PTK2: variants seen among roughly 807,000 people sequenced by gnomAD.
PTK2 encodes protein tyrosine kinase 2.
A neutral mutation model predicts 150.1 loss-of-function variants in PTK2; 45 were observed. The observed-to-expected ratio is 0.30, with a 90% CI of 0.24 to 0.38. PTK2 has a LOEUF of 0.38. PTK2 is among the 10% of genes least tolerant of loss of function. The probability of loss-of-function intolerance (pLI) is 1.00; values close to 1 mark genes in which losing one functional copy is unlikely to be tolerated. For synonymous variants in PTK2, 432 were observed against 449.2 expected (o/e 0.96, Z 0.48); for missense variants, 919 against 1,307.3 (o/e 0.70, Z 4.58).
At chr8:140,824,809 C>G (rs2100110913) in intron 8 of PTK2, among the ~76,000 whole-genome samples, 1 of 152,152 alleles carries the variant, frequency 6.6e-6, no homozygotes, top group Non-Finnish European at 1.5e-5. Context: ...GTTTGAACAC[C>G]TGCTTGTGTT....
intron 28 of PTK2, 70 bp downstream of exon 31, chr8:140,675,390 T>C: frequency 6.6e-7 from 1 of 1,512,484 alleles, no homozygotes; most frequent in Non-Finnish European, 9.2e-7. Flanking sequence ...GCTACGACAC[T>C]ATATACATTC....
chr8:140,890,986 A>G (rs2100154043), intron 2 of PTK2, among the ~76,000 whole-genome samples: 1 of 152,166 alleles, frequency 6.6e-6, no homozygotes, highest in African/African-American at 2.4e-5. Flanking sequence ...TTGTTAAAAA[A>G]AAATTATTAA....
chr8:140,861,951 G>A (rs2100136399), intron 5 of PTK2, among the ~76,000 whole-genome samples: 1 of 152,046 alleles, frequency 6.6e-6, no homozygotes, highest in African/African-American at 2.4e-5. Context: ...TTTCTCTTGG[G>A]TTTTATAAAG....
At chr8:140,807,433 G>A (rs2100098721) in intron 10 of PTK2, among the ~76,000 whole-genome samples, 1 of 152,164 alleles carries the variant, frequency 6.6e-6, no homozygotes, top group Non-Finnish European at 1.5e-5. Context: ...CAAGGCAGCT[G>A]CACACAATAT....
At chr8:140,792,965 C>G (rs1225914702) in intron 13 of PTK2, among the ~76,000 whole-genome samples, 2 of 152,136 alleles carry the variant, frequency 1.3e-5, no homozygotes, top group Non-Finnish European at 2.9e-5. Context: ...AACATGCCCA[C>G]TATAAAATTA....
intron 21 of PTK2, among the ~76,000 whole-genome samples, chr8:140,737,848 C>CTG (rs2154410891): frequency 6.6e-6 from 1 of 152,302 alleles, no homozygotes; most frequent in African/African-American, 2.4e-5. Flanking sequence ...CTGTGGATCA[C>CTG]ACAGATAATA....
At chr8:140,669,758 G>A in intron 29 of PTK2, 23 bp from the exon 33 acceptor site, 1 of 1,531,424 alleles carries the variant, frequency 6.5e-7, no homozygotes, top group Non-Finnish European at 8.7e-7. Context: ...GGAAGGTGAG[G>A]AAAAGTTAAA....
Position 140,892,247 on chromosome 8 carries a change from A to G in PTK2, c.-32-1478T>C, listed in dbSNP as rs181219145. 3.2e-3 allele frequency among the ~76,000 whole-genome samples: 486 copies of G among 152,040 alleles called. 2 individuals carry two copies. The highest frequency in any genetic ancestry group is 0.017 in the Middle Eastern group (5 of 292). On this transcript the variant is annotated intron_variant, in intron 2 of 31. Transcript: ENST00000522684. ...CAAACACACACACACACAAAACCAC[A>G]GATCCAGCCAGGCATAGATGCTCAT... is the stretch of plus-strand genomic sequence containing the variant.
chr8:140,890,442 G>A (rs374602536), intron 3 of PTK2, 101 bp downstream of exon 3: 19 of 982,396 alleles, frequency 1.9e-5, no homozygotes, highest in Middle Eastern at 2.3e-4. Context: ...AAAAGTCCCC[G>A]ATAAGTTAAA....
intron 14 of PTK2, among the ~76,000 whole-genome samples, chr8:140,773,069 T>TGCTA (rs2100076432): frequency 6.6e-6 from 1 of 152,224 alleles, no homozygotes; most frequent in Admixed American, 6.5e-5. Flanking sequence ...ACTCCACAAG[T>TGCTA]GCTAGCTCTT....
At chr8:140,851,350 C>CATGTTTAT (rs2100129181) in intron 5 of PTK2, among the ~76,000 whole-genome samples, 1 of 152,086 alleles carries the variant, frequency 6.6e-6, no homozygotes, top group Non-Finnish European at 1.5e-5. Context: ...ATTGATTTAT[C>CATGTTTAT]AAATGTTTAT....
At chr8:140,751,321 A>G (rs1397869523) in intron 17 of PTK2, among the ~76,000 whole-genome samples, 2 of 152,094 alleles carry the variant, frequency 1.3e-5, no homozygotes, top group Non-Finnish European at 2.9e-5. Flanking sequence ...GGCATGCGCC[A>G]CCATGCCCAG....
At position 140,818,321 on chromosome 8, in the gene PTK2, C is replaced by T. The variant is rs1021091174; in HGVS notation, c.823G>A (p.Gly275Ser). 5 of 1,613,866 alleles carry T rather than the reference C, an allele frequency of 3.1e-6. No homozygotes were observed. Among genetic ancestry groups the T allele is most frequent in the Non-Finnish European group, 3.4e-6 (4 of 1,179,920 alleles). The stretch of plus-strand genomic sequence containing the variant: ...AGGTAACTGATTCCTTCTTCTGGGC[C>T]GATTGCCAGTTCCACTGAAATAATC... Residue 275 changes from glycine to serine, a missense_variant, in exon 10 of 32, where the codon GGC (glycine) becomes AGC (serine). This residue lies in a region of PTK2 where 555 missense variants were observed against 880.1 expected (regional missense o/e 0.63). Transcript: ENST00000522684.
intron 15 of PTK2, among the ~76,000 whole-genome samples, chr8:140,761,535 T>C (rs1224393799): frequency 1.3e-5 from 2 of 152,182 alleles, no homozygotes; most frequent in African/African-American, 4.8e-5. Flanking sequence ...ATTTCCGATT[T>C]ATTTTATATC....
At chr8:140,706,008 G>T in intron 24 of PTK2, 111 bp downstream of exon 27, 2 of 836,896 alleles carry the variant, frequency 2.4e-6, no homozygotes, top group Non-Finnish European at 1.8e-6. Context: ...CTTTCTATCG[G>T]CCAAATCATA....
exon 22 of PTK2, chr8:140,735,323 C>T (rs749841325): frequency 1.7e-5 from 28 of 1,614,082 alleles, no homozygotes; most frequent in Non-Finnish European, 3.4e-6. Flanking sequence ...CGTCATAAGG[C>T]TGTAGAGGGT....
intron 17 of PTK2, 68 bp downstream of exon 20, chr8:140,752,164 T>C (rs2100063094): frequency 7.7e-7 from 1 of 1,303,316 alleles, no homozygotes; most frequent in Admixed American, 1.8e-5. Flanking sequence ...TCTTATTTCT[T>C]CAGAGACAGT....
chr8:140,792,192 T>C (rs940109965), intron 13 of PTK2, among the ~76,000 whole-genome samples: 9 of 152,214 alleles, frequency 5.9e-5, no homozygotes, highest in East Asian at 1.9e-4. Flanking sequence ...TGGTACACTA[T>C]GCCTAAAATG....
At chr8:140,974,373 G>C (rs2100188485) in intron 1 of PTK2, among the ~76,000 whole-genome samples, 1 of 152,134 alleles carries the variant, frequency 6.6e-6, no homozygotes, top group Non-Finnish European at 1.5e-5. Flanking sequence ...TGAATACTAA[G>C]ATACGTTAAT....
Sources: gnomAD v4.1 joint callset for allele counts (sites outside exome capture counted in the v4.1 genomes callset) on GRCh38, gnomAD v4.1.1 for gene constraint, gnomAD v4.1.1 regional missense constraint, MANE v1.5 for transcripts, NCBI Gene and HGNC (gene_info 2026-07-23, HGNC 2026-07-21) for gene names.